The following PTPRD variants were observed in gnomAD, a reference collection of about 807,000 sequenced individuals.
PTPRD encodes the protein protein tyrosine phosphatase receptor type D, also known as receptor-type tyrosine-protein phosphatase delta.
Under a neutral mutation model 214.5 loss-of-function variants are expected in PTPRD, and 34 were observed. The observed-to-expected ratio is 0.16, with a 90% CI of 0.12 to 0.21. The LOEUF is 0.21. PTPRD is among the 10% of genes least tolerant of loss of function. PTPRD has a pLI of 1.00. For synonymous variants in PTPRD, 1,128 were observed against 845.7 expected (o/e 1.33, Z -5.79); for missense variants, 2,545 against 2,398.7 (o/e 1.06, Z -1.27).
chr9:8,750,213 C>T (rs918680714), intron 11 of PTPRD, among the ~76,000 whole-genome samples: 11 of 152,070 alleles, frequency 7.2e-5, no homozygotes, highest in African/African-American at 2.6e-4. Flanking sequence ...GCTGGAGTGC[C>T]TTGGCAGGAT....
chr9:10,304,452 G>C (rs566935238), intron 3 of PTPRD, among the ~76,000 whole-genome samples: 4 of 152,188 alleles, frequency 2.6e-5, no homozygotes, highest in South Asian at 4.2e-4. Flanking sequence ...TATTCAAATG[G>C]GAAGAGAGGA....
In PTPRD at chr9:8,750,411, G is replaced by C. The variant is rs112224487; in HGVS notation, c.-103-16465C>G. On this transcript the variant is annotated intron_variant, in intron 11 of 45. Transcript: ENST00000381196. ...GACCTCAAGTAATCCACCCACCTTGGCCACCGAAAGTGCTGGGATTACAGG... is the reference window on the plus strand; with the variant it reads ...GACCTCAAGTAATCCACCCACCTTGCCCACCGAAAGTGCTGGGATTACAGG... 7.2e-5 allele frequency among the ~76,000 whole-genome samples: 11 copies of C among 152,158 alleles called. 2 individuals carry two copies. Among genetic ancestry groups the C allele is most frequent in the African/African-American group, 2.6e-4 (11 of 41,518 alleles).
intron 4 of PTPRD, among the ~76,000 whole-genome samples, chr9:9,946,843 G>A (rs1471903664): frequency 6.6e-6 from 1 of 152,050 alleles, no homozygotes; most frequent in Non-Finnish European, 1.5e-5. Context: ...TAGTTCCACT[G>A]AAACTTAAAA....
At chr9:10,605,152 A>G (rs1038388963) in intron 2 of PTPRD, among the ~76,000 whole-genome samples, 4 of 151,856 alleles carry the variant, frequency 2.6e-5, no homozygotes, top group Non-Finnish European at 5.9e-5. Flanking sequence ...CAAAGTACAC[A>G]TTATAAGTCC....
intron 3 of PTPRD, among the ~76,000 whole-genome samples, chr9:10,089,205 C>G (rs2098399722): frequency 2.2e-5 from 1 of 45,534 alleles, no homozygotes; most frequent in South Asian, 7.8e-4. Context: ...GAATCAGTCT[C>G]AAAATAAATA....
chr9:9,985,545 G>A (rs1222462872), intron 4 of PTPRD, among the ~76,000 whole-genome samples: 1 of 151,972 alleles, frequency 6.6e-6, no homozygotes, highest in Admixed American at 6.6e-5. Context: ...ACAGATGATG[G>A]TCAAAATGAT....
chr9:8,977,786 G>C (rs919592467), intron 11 of PTPRD, among the ~76,000 whole-genome samples: 1 of 151,646 alleles, frequency 6.6e-6, no homozygotes, highest in African/African-American at 2.4e-5. Context: ...ACAGTAAAGA[G>C]AGTTTTAAAT....
intron 43 of PTPRD, among the ~76,000 whole-genome samples, chr9:8,335,008 G>C (rs1234195659): frequency 6.6e-6 from 1 of 151,934 alleles, no homozygotes; most frequent in Non-Finnish European, 1.5e-5. Flanking sequence ...CTGAAATTGA[G>C]GCAGTAATTA....
chr9:10,342,831 T>G (rs2096968501), intron 2 of PTPRD, among the ~76,000 whole-genome samples: 1 of 152,102 alleles, frequency 6.6e-6, no homozygotes, highest in Admixed American at 6.6e-5. Flanking sequence ...CTCTATATTA[T>G]CTACTTACCA....
intron 31 of PTPRD, 152 bp downstream of exon 31, chr9:8,470,843 G>A (rs879023828): frequency 1.1e-5 from 7 of 644,940 alleles, no homozygotes; most frequent in South Asian, 3.7e-5. Flanking sequence ...ATCCCCAGGG[G>A]TTAGCATGCC....
chr9:9,477,426 G>T (rs1260768278), intron 8 of PTPRD, among the ~76,000 whole-genome samples: 1 of 152,038 alleles, frequency 6.6e-6, no homozygotes, highest in Non-Finnish European at 1.5e-5. Flanking sequence ...AATTAAACTG[G>T]GACAATAATA....
intron 3 of PTPRD, among the ~76,000 whole-genome samples, chr9:10,106,641 C>A (rs964245416): frequency 6.6e-6 from 1 of 151,464 alleles, no homozygotes; most frequent in Non-Finnish European, 1.5e-5. Context: ...ATGATAGAAT[C>A]AACATCATCA....
chr9:8,791,004 A>G (rs1359635544), intron 11 of PTPRD, among the ~76,000 whole-genome samples: 1 of 152,174 alleles, frequency 6.6e-6, no homozygotes, highest in African/African-American at 2.4e-5. Context: ...CAGTGCTGCT[A>G]TAGCCAATAA....
intron 11 of PTPRD, among the ~76,000 whole-genome samples, chr9:8,878,395 G>A (rs1180666501): frequency 6.6e-6 from 1 of 152,192 alleles, no homozygotes; most frequent in East Asian, 1.9e-4. Context: ...GCTAAGGTGG[G>A]GGATGGTGGG....
intron 9 of PTPRD, among the ~76,000 whole-genome samples, chr9:9,333,858 A>C (rs982720969): frequency 2.0e-5 from 3 of 151,998 alleles, no homozygotes; most frequent in Non-Finnish European, 4.4e-5. Context: ...ATTTGCCAAT[A>C]GTATATATTA....
chr9:8,733,964 G>A lies in PTPRD; in HGVS notation c.-103-18C>T. 9 of 1,015,774 alleles carry A rather than the reference G, an allele frequency of 8.9e-6. No individual in the cohort carries two copies. Among genetic ancestry groups the A allele is most frequent in the Non-Finnish European group, 1.3e-5 (9 of 680,892 alleles). 62.9% of individuals were successfully genotyped at this position (1,015,774 alleles called of 1,614,324 possible). A position where few individuals can be genotyped will look rare whatever the true frequency, so the allele number is the denominator to read the frequency against. ...TTCAGAGCCTGAAAGCGGGGAGGAA[G>A]AGAAAAGAAAAGGAAGAAAACACAA... On this transcript the variant is annotated intron_variant, in intron 11 of 45. Transcript: ENST00000381196.
chr9:8,537,447 C>T (rs184926501), intron 14 of PTPRD, among the ~76,000 whole-genome samples: 3 of 151,380 alleles, frequency 2.0e-5, no homozygotes, highest in Non-Finnish European at 1.5e-5. Context: ...AAATTTTTTT[C>T]CCAAGGTCCT....
At chr9:9,308,922 T>C (rs1459089284) in intron 9 of PTPRD, among the ~76,000 whole-genome samples, 1 of 152,122 alleles carries the variant, frequency 6.6e-6, no homozygotes, top group Non-Finnish European at 1.5e-5. Flanking sequence ...CTTCAAACTA[T>C]TGTGGTGAGA....
At position 8,341,742 on chromosome 9, in the gene PTPRD, G is replaced by C. The variant is rs768923548; in HGVS notation, c.4898C>G (p.Thr1633Arg). The C allele has an allele frequency of 6.2e-7, 1 of 1,613,422 alleles. No individual in the cohort carries two copies. Among genetic ancestry groups the C allele is most frequent in the East Asian group, 2.2e-5 (1 of 44,814 alleles). Residue 1633 changes from threonine to arginine, a missense_variant, in exon 40 of 46, where the codon ACA (threonine) becomes AGA (arginine). By Grantham distance (71) the Thr-to-Arg change is moderately conservative. Transcript: ENST00000381196. ...GACATTCTCTCCCGTTTCTATTTGT[G>C]TCAGCTTCTGAATGTAGGCATACAA... is the stretch of plus-strand genomic sequence containing the variant. ...RNLYAYIQKLTQIETGENVTG... is the reference protein window; with the variant it reads ...RNLYAYIQKLRQIETGENVTG...
Sources: gnomAD v4.1 joint callset for allele counts (sites outside exome capture counted in the v4.1 genomes callset) on GRCh38, gnomAD v4.1.1 for gene constraint, MANE v1.5 for transcripts, NCBI Gene and HGNC (gene_info 2026-07-23, HGNC 2026-07-21) for gene names.